The following HDAC8 variants were observed in gnomAD, a reference collection of about 807,000 sequenced individuals.
The protein encoded by HDAC8 is histone deacetylase-like 1.
A neutral mutation model predicts 32.2 loss-of-function variants in HDAC8; 1 was observed. The ratio of observed to expected loss-of-function variants is 0.03; its 90% confidence interval spans 0.01 to 0.15. The LOEUF (loss-of-function observed/expected upper bound fraction) is 0.15. Ranked by LOEUF, HDAC8 falls within the 10% of genes least tolerant of loss-of-function variation. HDAC8 has a pLI of 1.00. For missense variants in HDAC8, 117 were observed against 300.0 expected (o/e 0.39, Z 4.51); for synonymous variants, 108 against 113.9 (o/e 0.95, Z 0.33).
At chrX:72,474,600 A>G in intron 7 of HDAC8, 1 of 1,180,794 alleles carries the variant, frequency 8.5e-7, no homozygotes, top group East Asian at 3.0e-5. Context: ...TTTAAAATGC[A>G]GTTTTCTTGA....
chrX:72,409,131 T>C (rs182654414), intron 9 of HDAC8, among the ~76,000 whole-genome samples: 18 of 112,520 alleles, frequency 1.6e-4, no homozygotes, highest in Middle Eastern at 4.6e-3. Context: ...ATTTTCTTTC[T>C]TCCTCTTCTG....
intron 4 of HDAC8, among the ~76,000 whole-genome samples, chrX:72,536,486 A>AT (rs1282192778): frequency 8.9e-6 from 1 of 112,039 alleles, no homozygotes; most frequent in Non-Finnish European, 1.9e-5. Flanking sequence ...TGAAACTCAC[A>AT]TTTTTTCTCT....
intron 9 of HDAC8, among the ~76,000 whole-genome samples, chrX:72,417,289 A>C (rs2046370137): frequency 1.8e-5 from 2 of 111,605 alleles, no homozygotes; most frequent in Non-Finnish European, 3.8e-5. Flanking sequence ...AAGGAGATCA[A>C]ACTATCTCTG....
rs782660291 is a variant in HDAC8, at chrX:72,434,105, C to T, written c.1005+27899G>A. Among the ~76,000 whole-genome samples, 16 of 111,821 alleles carry T rather than the reference C, an allele frequency of 1.4e-4. No homozygotes were observed. The South Asian group carries it at 4.1e-3, about 29-fold the overall frequency. Reference sequence around the variant, plus strand: ...TCATGTATTCCTTAAACCAAAATCCCGGACCCTGCTGAAAGTAAGGAAAAG... The same window carrying T: ...TCATGTATTCCTTAAACCAAAATCCTGGACCCTGCTGAAAGTAAGGAAAAG... On this transcript the variant is annotated intron_variant, in intron 9 of 10. Transcript: ENST00000373573.
intron 9 of HDAC8, among the ~76,000 whole-genome samples, chrX:72,441,802 AT>A (rs1464375504): frequency 4.5e-5 from 5 of 111,732 alleles, no homozygotes; most frequent in Non-Finnish European, 7.5e-5. Flanking sequence ...ATTTAGACGA[AT>A]GTATAACTAG....
chrX:72,356,541 G>A (rs1373012422), intron 9 of HDAC8, among the ~76,000 whole-genome samples: 1 of 111,223 alleles, frequency 9.0e-6, no homozygotes, highest in Non-Finnish European at 1.9e-5. Flanking sequence ...AGATATTTGT[G>A]GGATAAGTGA....
chrX:72,564,395 A>G (rs2051702965), intron 4 of HDAC8, among the ~76,000 whole-genome samples: 1 of 112,142 alleles, frequency 8.9e-6, no homozygotes, highest in East Asian at 2.8e-4. Flanking sequence ...TTAGATTTTG[A>G]AAATAGCCAA....
intron 9 of HDAC8, among the ~76,000 whole-genome samples, chrX:72,437,615 A>C (rs1270854335): frequency 8.9e-6 from 1 of 112,140 alleles, no homozygotes; most frequent in Non-Finnish European, 1.9e-5. Flanking sequence ...CTGCCAGCAC[A>C]GCAGTCTGAA....
At chrX:72,497,608 C>T (rs1404666282) in intron 4 of HDAC8, among the ~76,000 whole-genome samples, 1 of 111,256 alleles carries the variant, frequency 9.0e-6, no homozygotes, top group Non-Finnish European at 1.9e-5. Flanking sequence ...TATTCTTCCT[C>T]AACATAGACA....
chrX:72,415,569 C>A (rs1009380191), intron 9 of HDAC8, among the ~76,000 whole-genome samples: 1 of 111,685 alleles, frequency 9.0e-6, no homozygotes, highest in Admixed American at 9.5e-5. Flanking sequence ...CACAGTATGT[C>A]TCTCCTTGTA....
chrX:72,427,650 C>T (rs1157334388), intron 9 of HDAC8, among the ~76,000 whole-genome samples: 8 of 104,856 alleles, frequency 7.6e-5, no homozygotes, highest in Admixed American at 3.1e-4. Context: ...TGCTAAATGA[C>T]GAGTTAATGT....
chrX:72,421,622 G>T (rs1294569234), intron 9 of HDAC8, among the ~76,000 whole-genome samples: 1 of 112,405 alleles, frequency 8.9e-6, no homozygotes, highest in African/African-American at 3.2e-5. Flanking sequence ...TGTGTGCCCA[G>T]TAACATAGAT....
rs782294776 is a variant in HDAC8, at chrX:72,464,735, T to C, written c.738-4A>G. On this transcript the variant is annotated splice_polypyrimidine_tract_variant and splice_region_variant and intron_variant, in intron 7 of 10. Transcript: ENST00000373573. ...TTGGTATACTTCCTTTAGTACACTA[T>C]ATAAAATAGAAAGGATACAAAATAT... 6 of 1,183,866 alleles carry C rather than the reference T, an allele frequency of 5.1e-6. No individual in the cohort carries two copies. Among genetic ancestry groups the C allele is most frequent in the Non-Finnish European group, 6.9e-6 (6 of 870,637 alleles).
chrX:72,564,033 G>A (rs1055774400), intron 4 of HDAC8, among the ~76,000 whole-genome samples: 2 of 111,031 alleles, frequency 1.8e-5, no homozygotes, highest in African/African-American at 3.3e-5. Flanking sequence ...GGTGGCACGC[G>A]CCTGTAATCC....
Position 72,488,915 on chromosome X carries a change from C to A in HDAC8, c.737+18G>T. 1.0e-6 allele frequency: 1 copy of A among 1,000,239 alleles called. No individual in the cohort carries two copies. Among genetic ancestry groups the A allele is most frequent in the Non-Finnish European group, 1.4e-6 (1 of 719,013 alleles). The allele number at this position is 1,000,239 out of a possible 1,213,427, so 82.4% of individuals were successfully genotyped here. A position where few individuals can be genotyped will look rare whatever the true frequency, so the allele number is the denominator to read the frequency against. On this transcript the variant is annotated intron_variant, in intron 7 of 10. Coordinates refer to ENST00000373573, the MANE Select transcript of HDAC8 (RefSeq NM_018486.3). ...AGAACTGCAATCCACTTATTACTGGCTAGTGTTACTGCCATACCTTTCACA... is the reference window on the plus strand; with the variant it reads ...AGAACTGCAATCCACTTATTACTGGATAGTGTTACTGCCATACCTTTCACA...
At chrX:72,407,233 T>A in intron 9 of HDAC8, among the ~76,000 whole-genome samples, 1 of 112,335 alleles carries the variant, frequency 8.9e-6, no homozygotes, top group Non-Finnish European at 1.9e-5. Context: ...GACAGCCAGG[T>A]GAGAAGGGGT....
intron 9 of HDAC8, among the ~76,000 whole-genome samples, chrX:72,354,337 A>G (rs1470918741): frequency 8.9e-6 from 1 of 112,378 alleles, no homozygotes; most frequent in South Asian, 3.7e-4. Flanking sequence ...TGTTTAAGAA[A>G]GTCCTTGTGT....
At chrX:72,553,607 A>G (rs2051164958) in intron 4 of HDAC8, among the ~76,000 whole-genome samples, 1 of 111,803 alleles carries the variant, frequency 8.9e-6, no homozygotes, top group Admixed American at 9.5e-5. Flanking sequence ...AGGGAAAAAT[A>G]TATATACAAT....
Position 72,351,856 on chromosome X carries a change from AGGCC to A in HDAC8, c.1006-22_1006-19del. Reference sequence around the variant, plus strand: ...GTGAAAAACTGTAAGGAAAAGGGAAAGGCCAAAAAACAAATTAAGCCACATAAAA... The same window carrying A: ...GTGAAAAACTGTAAGGAAAAGGGAAAAAAAAACAAATTAAGCCACATAAAA... On this transcript the variant is annotated intron_variant, in intron 9 of 10. Coordinates refer to ENST00000373573, the MANE Select transcript of HDAC8 (RefSeq NM_018486.3). The A allele has an allele frequency of 8.9e-7, 1 of 1,123,392 alleles. No homozygotes were observed. The highest frequency in any genetic ancestry group is 1.9e-5 in the South Asian group (1 of 52,945). The allele number at this position is 1,123,392 out of a possible 1,213,427, so 92.6% of individuals were successfully genotyped here.
Sources: allele counts gnomAD v4.1 joint callset (sites outside exome capture counted in the v4.1 genomes callset), GRCh38; gene constraint gnomAD v4.1.1; transcripts MANE v1.5; gene names NCBI Gene and HGNC (gene_info 2026-07-23, HGNC 2026-07-21).